The following THRB variants were observed in gnomAD, a reference collection of about 807,000 sequenced individuals.
THRB encodes thyroid hormone receptor beta.
THRB carries 12 observed loss-of-function variants against 47.8 expected under a neutral mutation model. The observed-to-expected ratio is 0.25, with a 90% CI of 0.16 to 0.41. THRB has a LOEUF of 0.41. Ranked by LOEUF, THRB falls within the 10% of genes least tolerant of loss-of-function variation. The pLI, the probability that THRB is intolerant of heterozygous loss-of-function variation, is 1.00. For missense variants in THRB, 348 were observed against 589.2 expected, an observed-to-expected ratio of 0.59 and a Z score of 4.24; for synonymous variants, 218 against 212.2, an observed-to-expected ratio of 1.03 and a Z score of -0.24.
intron 5 of THRB, among the ~76,000 whole-genome samples, chr3:24,180,977 A>T (rs1412580450): frequency 6.6e-6 from 1 of 152,146 alleles, no homozygotes; most frequent in African/African-American, 2.4e-5. Flanking sequence ...AGTTTTTTTT[A>T]TGGAAAATGA....
At chr3:24,265,746 ATTAT>A (rs1443683808) in intron 3 of THRB, among the ~76,000 whole-genome samples, 4 of 152,176 alleles carry the variant, frequency 2.6e-5, no homozygotes, top group Non-Finnish European at 4.4e-5. Context: ...CCAATCGTAG[ATTAT>A]TTGAGTGTAT....
intron 3 of THRB, among the ~76,000 whole-genome samples, chr3:24,269,037 C>T (rs1222374840): frequency 2.0e-5 from 3 of 152,240 alleles, no homozygotes; most frequent in African/African-American, 7.2e-5. Context: ...TCACAGTGAC[C>T]TAGTCCCACA....
intron 4 of THRB, among the ~76,000 whole-genome samples, chr3:24,220,942 C>T (rs1177536309): frequency 6.6e-6 from 1 of 152,240 alleles, no homozygotes; most frequent in Admixed American, 6.5e-5. Context: ...ACATTGGCTT[C>T]AGCCTGCTAA....
intron 1 of THRB, among the ~76,000 whole-genome samples, chr3:24,462,477 T>C (rs1332459675): frequency 6.6e-6 from 1 of 152,230 alleles, no homozygotes; most frequent in Non-Finnish European, 1.5e-5. Flanking sequence ...GAGTAACGTA[T>C]TGCCGAGGTC....
At chr3:24,472,521 C>T (rs755283502) in intron 1 of THRB, among the ~76,000 whole-genome samples, 1 of 152,194 alleles carries the variant, frequency 6.6e-6, no homozygotes, top group Non-Finnish European at 1.5e-5. Context: ...TTACACAAAG[C>T]CAATTATCTC....
intron 2 of THRB, among the ~76,000 whole-genome samples, chr3:24,329,634 T>C (rs537652511): frequency 1.3e-5 from 2 of 152,364 alleles, no homozygotes; most frequent in South Asian, 2.1e-4. Flanking sequence ...TGAACAGTCA[T>C]GTATCCTTTC....
intron 8 of THRB, among the ~76,000 whole-genome samples, chr3:24,139,541 A>C (rs940891203): frequency 1.3e-5 from 2 of 152,098 alleles, no homozygotes; most frequent in African/African-American, 4.8e-5. Flanking sequence ...AGTATCACCA[A>C]GCCTGGCTAA....
At chr3:24,291,431 G>A (rs886572099) in intron 3 of THRB, among the ~76,000 whole-genome samples, 3 of 152,132 alleles carry the variant, frequency 2.0e-5, no homozygotes, top group African/African-American at 7.2e-5. Context: ...GGCATCTGTG[G>A]AGGACTGGTT....
In THRB at chr3:24,127,696, C is replaced by T. The variant is rs121918695; in HGVS notation, c.947G>A (p.Arg316His). 6.2e-7 allele frequency: 1 copy of T among 1,614,160 alleles called. No homozygotes were observed. Among genetic ancestry groups the T allele is most frequent in the East Asian group, 2.2e-5 (1 of 44,882 alleles). Reference sequence around the variant, plus strand: ...TTCTGGGTCATAGCGCACAGCAGCGCGAAGGGACATGATCTCCATGCAGCA... The same window carrying T: ...TTCTGGGTCATAGCGCACAGCAGCGTGAAGGGACATGATCTCCATGCAGCA... ...KGCCMEIMSL[R>H]AAVRYDPESE... is the part of the protein sequence containing the mutation. The change falls in exon 10 of 11, where the codon CGC becomes CAC. Residue 316 changes from arginine to histidine, a missense_variant. Physicochemically the swap from Arg to His is conservative, Grantham distance 29. Coordinates refer to ENST00000646209, the MANE Select transcript of THRB (RefSeq NM_001354712.2).
At chr3:24,417,095 AACACACACACACACACACAC>A (rs67541584) in intron 1 of THRB, among the ~76,000 whole-genome samples, 49 of 135,676 alleles carry the variant, frequency 3.6e-4, no homozygotes, top group Middle Eastern at 4.0e-3. Context: ...ATTTTAAACC[AACACACACACACACACACAC>A]ACACACACAC....
At chr3:24,368,512 T>C (rs2064656469) in intron 1 of THRB, among the ~76,000 whole-genome samples, 2 of 152,170 alleles carry the variant, frequency 1.3e-5, no homozygotes, top group Non-Finnish European at 2.9e-5. Context: ...TAAAACTTCA[T>C]AGAAAGAGGA....
At chr3:24,287,282 T>TA (rs1282680721) in intron 3 of THRB, among the ~76,000 whole-genome samples, 1 of 152,168 alleles carries the variant, frequency 6.6e-6, no homozygotes, top group Admixed American at 6.5e-5. Flanking sequence ...AAAATCAGAT[T>TA]CCTAGGGCTA....
intron 10 of THRB, among the ~76,000 whole-genome samples, chr3:24,126,324 T>A (rs1190424683): frequency 6.6e-6 from 1 of 152,068 alleles, no homozygotes; most frequent in African/African-American, 2.4e-5. Flanking sequence ...AAGCCTGCGA[T>A]GAGCTGTCTT....
chr3:24,433,288 T>A (rs1380740681), intron 1 of THRB, among the ~76,000 whole-genome samples: 1 of 152,164 alleles, frequency 6.6e-6, no homozygotes, highest in African/African-American at 2.4e-5. Flanking sequence ...GATTTTCTGA[T>A]GAGAAGATTA....
At chr3:24,273,129 AAC>A (rs146281602) in intron 3 of THRB, among the ~76,000 whole-genome samples, 5 of 150,592 alleles carry the variant, frequency 3.3e-5, no homozygotes, top group Non-Finnish European at 5.9e-5. Context: ...CTATGAATTA[AAC>A]ACACACACAC....
At chr3:24,294,978 T>C (rs73823281) in intron 3 of THRB, among the ~76,000 whole-genome samples, 19,391 of 152,240 alleles carry the variant, frequency 0.13, 1,345 homozygotes, top group South Asian at 0.21. Flanking sequence ...AAATCACCTG[T>C]GAATTCAATA....
At chr3:24,340,679 T>C (rs1379851209) in intron 1 of THRB, among the ~76,000 whole-genome samples, 5 of 152,232 alleles carry the variant, frequency 3.3e-5, no homozygotes, top group Admixed American at 2.6e-4. Flanking sequence ...CAAATCTCAA[T>C]AGAATTGGCC....
At chr3:24,343,077 G>C (rs1188663493) in intron 1 of THRB, among the ~76,000 whole-genome samples, 1 of 152,168 alleles carries the variant, frequency 6.6e-6, no homozygotes, top group Non-Finnish European at 1.5e-5. Flanking sequence ...TATAATACCT[G>C]TTGTGCATTA....
chr3:24,475,789 G>A (rs958942531), intron 1 of THRB, among the ~76,000 whole-genome samples: 2 of 152,274 alleles, frequency 1.3e-5, no homozygotes, highest in Non-Finnish European at 2.9e-5. Flanking sequence ...GTTTAAAAAT[G>A]TCTAATAAAG....
Sources: allele counts gnomAD v4.1 joint callset (sites outside exome capture counted in the v4.1 genomes callset), GRCh38; gene constraint gnomAD v4.1.1; transcripts MANE v1.5; gene names NCBI Gene and HGNC (gene_info 2026-07-23, HGNC 2026-07-21).